The following HEMK2 variants were observed in gnomAD, a reference collection of about 807,000 sequenced individuals.
HEMK2 encodes the protein HemK methyltransferase 2, ETF1 glutamine and histone H4 lysine.
chr21:28,856,017 A>G, the HEMK2 span, among the ~76,000 whole-genome samples: 6 of 152,196 alleles, frequency 3.9e-5, no homozygotes, highest in African/African-American at 1.4e-4. Context: ...TTTTAAATAC[A>G]TTGCAGATAT....
chr21:28,748,748 C>CT, the HEMK2 span, among the ~76,000 whole-genome samples: 1 of 152,188 alleles, frequency 6.6e-6, no homozygotes, highest in Non-Finnish European at 1.5e-5. Flanking sequence ...GTTCATCTTT[C>CT]CATTGTCAGA....
chr21:28,867,365 T>C, the HEMK2 span, among the ~76,000 whole-genome samples: 9 of 152,174 alleles, frequency 5.9e-5, no homozygotes, highest in African/African-American at 1.4e-4. Flanking sequence ...GAGACATTTA[T>C]AAAAATCTTT....
the HEMK2 span, among the ~76,000 whole-genome samples, chr21:28,588,588 G>T: frequency 1.3e-5 from 2 of 152,182 alleles, no homozygotes; most frequent in African/African-American, 4.8e-5. Flanking sequence ...TCAGTCGATT[G>T]ATGAAAGGTA....
chr21:28,706,068 A>T, the HEMK2 span, among the ~76,000 whole-genome samples: 1 of 152,190 alleles, frequency 6.6e-6, no homozygotes, highest in Non-Finnish European at 1.5e-5. Flanking sequence ...AAGAATTAGG[A>T]TGTAGACATC....
chr21:28,752,025 T>A, the HEMK2 span, among the ~76,000 whole-genome samples: 1 of 152,190 alleles, frequency 6.6e-6, no homozygotes, highest in African/African-American at 2.4e-5. Context: ...AAGAATAAAT[T>A]GAACAGAACA....
the HEMK2 span, among the ~76,000 whole-genome samples, chr21:28,838,911 C>G: frequency 8.0e-6 from 1 of 125,186 alleles, no homozygotes; most frequent in Non-Finnish European, 1.6e-5. Context: ...TGCACTCTAG[C>G]CTGGGCAACA....
the HEMK2 span, among the ~76,000 whole-genome samples, chr21:28,743,506 A>G: frequency 0.07 from 10,628 of 152,220 alleles, 584 homozygotes; most frequent in East Asian, 0.16. Flanking sequence ...TTTGTACCTA[A>G]ACTTAACAGA....
the HEMK2 span, among the ~76,000 whole-genome samples, chr21:28,754,983 T>G: frequency 6.6e-6 from 1 of 152,186 alleles, no homozygotes; most frequent in Non-Finnish European, 1.5e-5. Flanking sequence ...GGCAAAGGCT[T>G]CTTGAGGGTT....
the HEMK2 span, among the ~76,000 whole-genome samples, chr21:28,862,758 T>C: frequency 6.6e-6 from 1 of 152,250 alleles, no homozygotes. Flanking sequence ...AAACATGTTT[T>C]TGCATGCATA....
At chr21:28,856,886 GAC>G in the HEMK2 span, among the ~76,000 whole-genome samples, 1 of 152,222 alleles carries the variant, frequency 6.6e-6, no homozygotes, top group East Asian at 1.9e-4. Flanking sequence ...CATGCATGGA[GAC>G]ACAGGAGTTT....
At chr21:28,600,248 T>C in the HEMK2 span, among the ~76,000 whole-genome samples, 1 of 152,274 alleles carries the variant, frequency 6.6e-6, no homozygotes, top group Non-Finnish European at 1.5e-5. Flanking sequence ...AACTTCTGCA[T>C]GGACATCCAA....
the HEMK2 span, among the ~76,000 whole-genome samples, chr21:28,859,779 G>T: frequency 6.6e-6 from 1 of 151,994 alleles, no homozygotes; most frequent in African/African-American, 2.4e-5. Flanking sequence ...GGAAACCTCA[G>T]GCTCACATCC....
chr21:28,762,858 C>T, the HEMK2 span, among the ~76,000 whole-genome samples: 1 of 152,036 alleles, frequency 6.6e-6, no homozygotes, highest in Non-Finnish European at 1.5e-5. Flanking sequence ...TTACTCCATC[C>T]GTCATATGGT....
chr21:28,592,303 G>A, the HEMK2 span, among the ~76,000 whole-genome samples: 8,050 of 152,248 alleles, frequency 0.053, 223 homozygotes, highest in African/African-American at 0.071. Flanking sequence ...CATGATCAGC[G>A]ATGTTGAGGT....
chr21:28,842,242 C>A, the HEMK2 span, among the ~76,000 whole-genome samples: 1 of 152,052 alleles, frequency 6.6e-6, no homozygotes, highest in African/African-American at 2.4e-5. Flanking sequence ...TTATATATTA[C>A]ATTATTTATT....
At chr21:28,628,423 G>A in the HEMK2 span, among the ~76,000 whole-genome samples, 1 of 152,044 alleles carries the variant, frequency 6.6e-6, no homozygotes, top group African/African-American at 2.4e-5. Flanking sequence ...GATATTCTTT[G>A]GAGTTCAGAT....
At chr21:28,620,655 C>CTTTTT in the HEMK2 span, among the ~76,000 whole-genome samples, 2 of 65,538 alleles carry the variant, frequency 3.1e-5, no homozygotes, top group East Asian at 4.8e-4. Flanking sequence ...ATTCTTCTCT[C>CTTTTT]TTTTCTTTTT....
chr21:28,576,114 G>A, the HEMK2 span, among the ~76,000 whole-genome samples: 1 of 152,274 alleles, frequency 6.6e-6, no homozygotes, highest in East Asian at 1.9e-4. Context: ...CGTAGGAAAA[G>A]AATCTCTGGG....
At chr21:28,606,946 A>T in the HEMK2 span, among the ~76,000 whole-genome samples, 1 of 152,206 alleles carries the variant, frequency 6.6e-6, no homozygotes, top group African/African-American at 2.4e-5. Context: ...TTTACTGGGG[A>T]AAGTATGACA....
Sources: gnomAD v4.1 joint callset for allele counts (sites outside exome capture counted in the v4.1 genomes callset) on GRCh38, gnomAD v4.1.1 for gene constraint, MANE v1.5 for transcripts, NCBI Gene and HGNC (gene_info 2026-07-23, HGNC 2026-07-21) for gene names.